Variants in NALF1 observed in about 807,000 individuals in gnomAD.
The protein encoded by NALF1 is NALCN channel auxiliary factor 1.
Under a neutral mutation model 48.4 loss-of-function variants are expected in NALF1, and 3 were observed. The observed-to-expected ratio is 0.06, with a 90% CI of 0.03 to 0.16. NALF1 has a LOEUF of 0.16. NALF1 is among the 10% of genes least tolerant of loss of function. The probability of loss-of-function intolerance (pLI) is 1.00; values close to 1 mark genes in which losing one functional copy is unlikely to be tolerated. For synonymous variants in NALF1, 262 were observed against 245.7 expected (o/e 1.07, Z -0.62); for missense variants, 526 against 571.5 (o/e 0.92, Z 0.81).
chr13:107,786,477 A>C (rs1405671324), intron 1 of NALF1, among the ~76,000 whole-genome samples: 1 of 147,946 alleles, frequency 6.8e-6, no homozygotes, highest in Non-Finnish European at 1.5e-5. Context: ...TAATCCCAAC[A>C]CTTTGGGAGT....
intron 1 of NALF1, among the ~76,000 whole-genome samples, chr13:107,490,822 CAT>C (rs931247391): frequency 2.0e-5 from 3 of 152,048 alleles, no homozygotes; most frequent in African/African-American, 4.8e-5. Context: ...TGAATAATAA[CAT>C]AATGTACTTG....
At chr13:107,369,835 G>A (rs757925365) in intron 1 of NALF1, among the ~76,000 whole-genome samples, 1 of 152,134 alleles carries the variant, frequency 6.6e-6, no homozygotes, top group Non-Finnish European at 1.5e-5. Context: ...CTTAACTTCA[G>A]TGTCTTTCCA....
intron 1 of NALF1, among the ~76,000 whole-genome samples, chr13:107,231,943 C>A (rs1594081214): frequency 6.6e-6 from 1 of 152,152 alleles, no homozygotes; most frequent in African/African-American, 2.4e-5. Flanking sequence ...CACTTCTAAT[C>A]TATTTCTTTT....
intron 1 of NALF1, among the ~76,000 whole-genome samples, chr13:107,230,584 A>AAAT (rs933121340): frequency 2.6e-5 from 4 of 152,170 alleles, no homozygotes; most frequent in African/African-American, 9.6e-5. Context: ...TCAAGATAAT[A>AAAT]AATAAAGATA....
chr13:107,272,881 C>T (rs189276138), intron 1 of NALF1, among the ~76,000 whole-genome samples: 5 of 152,182 alleles, frequency 3.3e-5, no homozygotes, highest in East Asian at 3.9e-4. Flanking sequence ...TACACATATA[C>T]GTGTATAAAC....
At chr13:107,446,834 G>A (rs1409557958) in intron 1 of NALF1, among the ~76,000 whole-genome samples, 1 of 152,214 alleles carries the variant, frequency 6.6e-6, no homozygotes, top group Non-Finnish European at 1.5e-5. Context: ...TAATTGCAGA[G>A]TAAGTCATTT....
At chr13:107,636,331 G>T (rs142049450) in intron 1 of NALF1, among the ~76,000 whole-genome samples, 1 of 152,206 alleles carries the variant, frequency 6.6e-6, no homozygotes, top group African/African-American at 2.4e-5. Context: ...TCCATTCATT[G>T]AAAGCTTTAA....
intron 1 of NALF1, among the ~76,000 whole-genome samples, chr13:107,318,090 T>C (rs1295845086): frequency 6.6e-6 from 1 of 152,066 alleles, no homozygotes. Context: ...CGACTGAGCA[T>C]AAGAACTCTG....
intron 1 of NALF1, among the ~76,000 whole-genome samples, chr13:107,545,467 T>C (rs1877111421): frequency 6.6e-6 from 1 of 152,140 alleles, no homozygotes; most frequent in African/African-American, 2.4e-5. Context: ...TGATGGTAGC[T>C]TGAGAAAGCC....
At chr13:107,524,984 G>C (rs758867979) in intron 1 of NALF1, among the ~76,000 whole-genome samples, 6 of 152,072 alleles carry the variant, frequency 3.9e-5, no homozygotes, top group Non-Finnish European at 8.8e-5. Flanking sequence ...GAGACATAGA[G>C]AGCTTCCAAG....
chr13:107,267,490 G>C (rs1881066081), intron 1 of NALF1, among the ~76,000 whole-genome samples: 1 of 151,972 alleles, frequency 6.6e-6, no homozygotes, highest in Non-Finnish European at 1.5e-5. Context: ...GGTCTATACA[G>C]TAGTCCCCTG....
At chr13:107,761,449 A>G (rs909129319) in intron 1 of NALF1, among the ~76,000 whole-genome samples, 3 of 152,114 alleles carry the variant, frequency 2.0e-5, no homozygotes, top group African/African-American at 2.4e-5. Context: ...GGATATTCCT[A>G]TATCTTAGAA....
At chr13:107,515,572 T>C (rs969027014) in intron 1 of NALF1, among the ~76,000 whole-genome samples, 2 of 152,224 alleles carry the variant, frequency 1.3e-5, no homozygotes, top group Non-Finnish European at 1.5e-5. Context: ...TCCATACAGC[T>C]GCAAAGCTCA....
At chr13:107,857,117 C>G (rs781049259) in intron 1 of NALF1, among the ~76,000 whole-genome samples, 4 of 152,176 alleles carry the variant, frequency 2.6e-5, no homozygotes, top group Non-Finnish European at 5.9e-5. Flanking sequence ...TGTTTTCATT[C>G]ATGCAGCACA....
chr13:107,178,395 A>T (rs1878984727), intron 2 of NALF1, among the ~76,000 whole-genome samples: 1 of 152,240 alleles, frequency 6.6e-6, no homozygotes, highest in Non-Finnish European at 1.5e-5. Flanking sequence ...TTGGCAAAAG[A>T]TCTGAATAGA....
chr13:107,450,808 C>T (rs949103534), intron 1 of NALF1, among the ~76,000 whole-genome samples: 20 of 152,070 alleles, frequency 1.3e-4, no homozygotes, highest in East Asian at 9.6e-4. Flanking sequence ...TGCAAGAAGA[C>T]GAAAGAATCC....
At chr13:107,513,155 T>C (rs529660521) in intron 1 of NALF1, among the ~76,000 whole-genome samples, 19 of 152,068 alleles carry the variant, frequency 1.2e-4, no homozygotes, top group Admixed American at 2.0e-4. Context: ...TTTTTAGGGG[T>C]TTTCTTTTTG....
At chr13:107,466,180 T>G (rs1359069977) in intron 1 of NALF1, 2 of 152,248 alleles carry the variant, frequency 1.3e-5, no homozygotes, top group Non-Finnish European at 2.9e-5. Context: ...GGAAAAGGGC[T>G]GCCCCCATAA....
chr13:107,335,682 A>G (rs1015487379), intron 1 of NALF1, among the ~76,000 whole-genome samples: 1 of 152,142 alleles, frequency 6.6e-6, no homozygotes, highest in African/African-American at 2.4e-5. Context: ...CTGGTAAATG[A>G]TAATGTACTG....
Sources: gnomAD v4.1 joint callset for allele counts (sites outside exome capture counted in the v4.1 genomes callset) on GRCh38, gnomAD v4.1.1 for gene constraint, MANE v1.5 for transcripts, NCBI Gene and HGNC (gene_info 2026-07-23, HGNC 2026-07-21) for gene names.